The following TPD52L1 variants were observed in gnomAD, a reference collection of about 807,000 sequenced individuals.
The protein encoded by TPD52L1 is TPD52 like 1.
A neutral mutation model predicts 28.7 loss-of-function variants in TPD52L1; 18 were observed. The ratio of observed to expected loss-of-function variants is 0.63; its 90% CI spans 0.43 to 0.93. TPD52L1 has a LOEUF of 0.93. Ranked by LOEUF, TPD52L1 falls within the 40% of genes least tolerant of loss-of-function variation. TPD52L1 has a pLI of 0.00. For synonymous variants in TPD52L1, 75 were observed against 88.8 expected, an observed-to-expected ratio of 0.84 and a Z score of 0.88; for missense variants, 203 against 254.8, an observed-to-expected ratio of 0.80 and a Z score of 1.39.
chr6:125,185,787 G>T (rs542783092), intron 1 of TPD52L1, among the ~76,000 whole-genome samples: 1 of 151,910 alleles, frequency 6.6e-6, no homozygotes, highest in South Asian at 2.1e-4. Context: ...AACCCCCTCT[G>T]AAACCTTTCT....
intron 1 of TPD52L1, among the ~76,000 whole-genome samples, chr6:125,206,448 C>T (rs1387253004): frequency 6.6e-6 from 1 of 151,984 alleles, no homozygotes; most frequent in Non-Finnish European, 1.5e-5. Flanking sequence ...GAACATGATA[C>T]TCATTATTCT....
At chr6:125,195,393 A>G (rs1409762644) in intron 1 of TPD52L1, among the ~76,000 whole-genome samples, 1 of 152,208 alleles carries the variant, frequency 6.6e-6, no homozygotes, top group African/African-American at 2.4e-5. Flanking sequence ...GGGTTCCAAC[A>G]GGTTTTAAAT....
At chr6:125,159,179 G>C (rs1418288428) in intron 1 of TPD52L1, among the ~76,000 whole-genome samples, 2 of 152,174 alleles carry the variant, frequency 1.3e-5, no homozygotes, top group African/African-American at 2.4e-5. Context: ...ATGCTGTTTG[G>C]TAGCATTTTG....
intron 3 of TPD52L1, among the ~76,000 whole-genome samples, chr6:125,232,025 G>T (rs1329934853): frequency 2.0e-5 from 3 of 152,122 alleles, no homozygotes; most frequent in African/African-American, 7.2e-5. Flanking sequence ...ATTCGTTTTG[G>T]CTCCGTAAAG....
In TPD52L1 at chr6:125,229,073, T is replaced by C. The variant is rs374560831; in HGVS notation, c.136-45T>C. The stretch of plus-strand genomic sequence containing the variant: ...CAGAGCTTCTGTAAGTATCCTTTTT[T>C]GCTGGTCTGACATTTTCCCCCACCA... On this transcript the variant is annotated intron_variant, in intron 2 of 6. Transcript: ENST00000534000. The C allele has an allele frequency of 1.3e-5, 20 of 1,589,282 alleles. No individual in the cohort carries two copies. The African/African-American group carries it at 1.9e-4, about 15-fold the overall frequency.
intron 1 of TPD52L1, among the ~76,000 whole-genome samples, chr6:125,168,404 C>T (rs1037895046): frequency 6.6e-6 from 1 of 152,120 alleles, no homozygotes; most frequent in Non-Finnish European, 1.5e-5. Flanking sequence ...TACCCTCACC[C>T]CTCAAATGAT....
intron 1 of TPD52L1, among the ~76,000 whole-genome samples, chr6:125,190,458 G>T (rs535135581): frequency 2.6e-5 from 4 of 152,104 alleles, no homozygotes; most frequent in Non-Finnish European, 5.9e-5. Context: ...AACCTTTTGG[G>T]TACCAGGGAC....
chr6:125,210,943 C>T (rs780600449), intron 1 of TPD52L1, among the ~76,000 whole-genome samples: 1 of 152,132 alleles, frequency 6.6e-6, no homozygotes, highest in Non-Finnish European at 1.5e-5. Context: ...AAAGTTATAC[C>T]CTTTCCAATA....
In TPD52L1 at chr6:125,178,658, A is replaced by AATATAT. The variant is rs766185303; in HGVS notation, c.19+24701_19+24706dup. Among the ~76,000 whole-genome samples, 13 of 148,074 alleles carry AATATAT rather than the reference A, an allele frequency of 8.8e-5. No homozygotes were observed. The East Asian group carries it at 2.0e-3, about 23-fold the overall frequency. On this transcript the variant is annotated intron_variant, in intron 1 of 6. Transcript: ENST00000534000. ...AACAAAACAAAACAAAACAAAACAAAATATATATATATATATATTTGGGTA... is the reference window on the plus strand; with the variant it reads ...AACAAAACAAAACAAAACAAAACAAAATATATATATATATATATATATATTTGGGTA...
chr6:125,249,445 G>C (rs538345466), intron 4 of TPD52L1, among the ~76,000 whole-genome samples: 59 of 151,974 alleles, frequency 3.9e-4, no homozygotes, highest in African/African-American at 1.4e-3. Context: ...TTGGGAGACT[G>C]AGGCAGGTGG....
intron 1 of TPD52L1, among the ~76,000 whole-genome samples, chr6:125,206,594 G>T (rs1038963664): frequency 1.3e-5 from 2 of 152,152 alleles, no homozygotes; most frequent in African/African-American, 4.8e-5. Context: ...AGCCTACATG[G>T]CTTAGAGGCT....
In TPD52L1 at chr6:125,153,832, C is replaced by A; in HGVS notation, c.-120C>A. On this transcript the variant is annotated 5_prime_UTR_variant, in exon 1 of 7. Coordinates refer to ENST00000534000, the MANE Select transcript of TPD52L1 (RefSeq NM_003287.4). ...CCCCCTCCGCGCAGCGCTCGCGACA[C>A]GCGTGCCAGGAGTGGGAGCGAGCGG... The A allele has an allele frequency of 8.4e-7, 1 of 1,191,836 alleles. No homozygotes were observed. Among genetic ancestry groups the A allele is most frequent in the Non-Finnish European group, 1.1e-6 (1 of 879,990 alleles). 73.8% of individuals were successfully genotyped at this position (1,191,836 alleles called of 1,614,324 possible).
intron 2 of TPD52L1, among the ~76,000 whole-genome samples, chr6:125,222,221 G>T (rs1269906312): frequency 1.3e-5 from 2 of 152,226 alleles, no homozygotes; most frequent in Non-Finnish European, 2.9e-5. Flanking sequence ...AGGACACATA[G>T]AAAGCCATCT....
intron 1 of TPD52L1, among the ~76,000 whole-genome samples, chr6:125,207,399 T>G (rs1392141729): frequency 6.6e-6 from 1 of 152,226 alleles, no homozygotes; most frequent in African/African-American, 2.4e-5. Flanking sequence ...CATTTCCTTT[T>G]TGGAAAATGA....
chr6:125,183,133 A>G (rs1270291143), intron 1 of TPD52L1, among the ~76,000 whole-genome samples: 20 of 152,218 alleles, frequency 1.3e-4, no homozygotes. Context: ...AGCCTGGGAC[A>G]GGGCTATGCA....
chr6:125,185,841 T>C (rs1056201177), intron 1 of TPD52L1, among the ~76,000 whole-genome samples: 1 of 151,674 alleles, frequency 6.6e-6, no homozygotes, highest in Non-Finnish European at 1.5e-5. Context: ...AACCAAAATA[T>C]TGAAGAAATT....
chr6:125,194,537 G>A (rs1793285583), intron 1 of TPD52L1, among the ~76,000 whole-genome samples: 1 of 152,062 alleles, frequency 6.6e-6, no homozygotes. Context: ...CTATCCTTAG[G>A]TTCCCCTGGA....
At chr6:125,178,997 G>T (rs1792007923) in intron 1 of TPD52L1, among the ~76,000 whole-genome samples, 1 of 152,140 alleles carries the variant, frequency 6.6e-6, no homozygotes, top group Non-Finnish European at 1.5e-5. Context: ...TATTTGATTG[G>T]ATTTTGTATG....
At chr6:125,231,637 GT>G (rs1554213779) in intron 3 of TPD52L1, among the ~76,000 whole-genome samples, 4 of 149,946 alleles carry the variant, frequency 2.7e-5, no homozygotes, top group African/African-American at 7.4e-5. Flanking sequence ...GTTGTTGTTT[GT>G]TTGTTTGTTT....
Sources: allele counts gnomAD v4.1 joint callset (sites outside exome capture counted in the v4.1 genomes callset), GRCh38; gene constraint gnomAD v4.1.1; transcripts MANE v1.5; gene names NCBI Gene and HGNC (gene_info 2026-07-23, HGNC 2026-07-21).